ADAT3: variants seen among roughly 807,000 people sequenced by gnomAD.
The protein encoded by ADAT3 is adenosine deaminase tRNA specific 3.
A neutral mutation model predicts 3.5 loss-of-function variants in ADAT3; 2 were observed. The observed-to-expected ratio is 0.57, with a 90% CI of 0.23 to 1.79. ADAT3 has a LOEUF of 1.79. Among genes scored for constraint, ADAT3 ranks in the 40% most tolerant of loss-of-function variants. ADAT3 has a pLI of 0.18. For synonymous variants in ADAT3, 358 were observed against 270.3 expected (o/e 1.32, Z -3.18); for missense variants, 735 against 571.4 (o/e 1.29, Z -2.92).
intron 1 of ADAT3, among the ~76,000 whole-genome samples, chr19:1,911,211 A>C (rs1040278930): frequency 4.0e-5 from 6 of 150,240 alleles, no homozygotes; most frequent in African/African-American, 1.5e-4. Context: ...TTGCTCTGTC[A>C]GCCAGGCTGG....
chr19:1,913,082 C>T lies in ADAT3; in HGVS notation c.1035C>T (p.Leu345=). Residue 345 remains leucine, a synonymous_variant, in exon 2 of 2, where the codon CTC becomes CTT. Coordinates refer to ENST00000329478, the MANE Select transcript of ADAT3 (RefSeq NM_138422.4). ...TCCGCATCCACGCACGGCCCGACCT[C>T]AACCACCGCTTCCAGGTGTTCCGCG... ...TRFRIHARPD[L]NHRFQVFRGV... 6.2e-7 allele frequency: 1 copy of T among 1,601,312 alleles called. No individual in the cohort carries two copies. Among genetic ancestry groups the T allele is most frequent in the Non-Finnish European group, 8.5e-7 (1 of 1,178,294 alleles).
intron 1 of ADAT3, among the ~76,000 whole-genome samples, chr19:1,911,155 G>A (rs113813142): frequency 0.15 from 22,939 of 151,898 alleles, 1,952 homozygotes; most frequent in East Asian, 0.25. Flanking sequence ...GATTACAGGC[G>A]TGAGCCACCG....
At chr19:1,905,493 G>T (rs540046498) in intron 1 of ADAT3, 54 bp downstream of exon 1, 2 of 434,982 alleles carry the variant, frequency 4.6e-6, no homozygotes, top group South Asian at 3.3e-5. Context: ...TTCCCCAGAG[G>T]GGGAGTAGGG....
chr19:1,913,376 C>T lies in ADAT3; in HGVS notation c.*225C>T, dbSNP rs901647817. Reference sequence around the variant, plus strand: ...CGGTGCCCTTCTGCGGCCGCCCTTGCTGCGTTTGTGTCCCCTCTGTCTCGC... The same window carrying T: ...CGGTGCCCTTCTGCGGCCGCCCTTGTTGCGTTTGTGTCCCCTCTGTCTCGC... On this transcript the variant is annotated 3_prime_UTR_variant, in exon 2 of 2. Transcript: ENST00000329478. 1 of 660,358 alleles carries T rather than the reference C, an allele frequency of 1.5e-6. No individual in the cohort carries two copies. The highest frequency in any genetic ancestry group is 2.6e-6 in the Non-Finnish European group (1 of 388,188). 40.9% of individuals were successfully genotyped at this position (660,358 alleles called of 1,614,324 possible).
In ADAT3 at chr19:1,912,497, G is replaced by T. The variant is rs2013520162; in HGVS notation, c.450G>T (p.Leu150=). 3 of 1,497,172 alleles carry T rather than the reference G, an allele frequency of 2.0e-6. No homozygotes were observed. The highest frequency in any genetic ancestry group is 2.2e-5 in the Admixed American group (1 of 45,706). 92.7% of individuals were successfully genotyped at this position (1,497,172 alleles called of 1,614,324 possible). ...TGCCCGTGCCCGCCCGGCCGCCTCTGACCAGGGGCCAGTTCGAGGAGGCCC... is the reference window on the plus strand; with the variant it reads ...TGCCCGTGCCCGCCCGGCCGCCTCTTACCAGGGGCCAGTTCGAGGAGGCCC... ...FLVPVPARPP[L]TRGQFEEARA... Residue 150 remains leucine (L), a synonymous_variant, in exon 2 of 2, where the codon CTG becomes CTT. Transcript: ENST00000329478.
intron 1 of ADAT3, among the ~76,000 whole-genome samples, chr19:1,907,624 T>G (rs2013200954): frequency 6.6e-6 from 1 of 152,136 alleles, no homozygotes; most frequent in Non-Finnish European, 1.5e-5. Flanking sequence ...CCCAGCCTCC[T>G]GTTCACCAGG....
At chr19:1,906,866 T>TTTGTGTGTGTGTG (rs1555836654) in intron 1 of ADAT3, 6 of 130,084 alleles carry the variant, frequency 4.6e-5, no homozygotes, top group African/African-American at 1.2e-4. Flanking sequence ...AAAAAAAAAA[T>TTTGTGTGTGTGTG]TGTGTGTGTG....
chr19:1,908,505 C>G lies in ADAT3; in HGVS notation c.-159+3066C>G. 2.1e-6 allele frequency: 1 copy of G among 471,096 alleles called. No homozygotes were observed. Among genetic ancestry groups the G allele is most frequent in the Middle Eastern group, 3.3e-4 (1 of 3,070 alleles). 29.2% of individuals were successfully genotyped at this position (471,096 alleles called of 1,614,324 possible). ...CTGTCTGCGGGAGGAGCCGTCCATA[C>G]CAGCGGGGATGTGTAGTCCAGGCTG... On this transcript the variant is annotated intron_variant, in intron 1 of 1. Coordinates refer to ENST00000329478, the MANE Select transcript of ADAT3 (RefSeq NM_138422.4). The surrounding 1 kb of genome is among the most constrained non-coding windows in gnomAD (Gnocchi z 4.2).
chr19:1,912,664 G>C lies in ADAT3; in HGVS notation c.617G>C (p.Arg206Pro). 7.0e-7 allele frequency: 1 copy of C among 1,435,238 alleles called. No homozygotes were observed. Among genetic ancestry groups the C allele is most frequent in the Non-Finnish European group, 9.0e-7 (1 of 1,104,994 alleles). The allele number at this position is 1,435,238 out of a possible 1,614,324, so 88.9% of individuals were successfully genotyped here. A position where few individuals can be genotyped will look rare whatever the true frequency, so the allele number is the denominator to read the frequency against. The change falls in exon 2 of 2, where the codon CGG becomes CCG. Residue 206 changes from arginine to proline, a missense_variant. Coordinates refer to ENST00000329478, the MANE Select transcript of ADAT3 (RefSeq NM_138422.4). Reference protein sequence around the residue: ...AVWAARRAAARGLRAVGAVVV... With the variant: ...AVWAARRAAAPGLRAVGAVVV... ...TGGGCGGCCCGGCGGGCAGCAGCGC[G>C]GGGCTTGCGGGCCGTGGGGGCCGTG...
Position 1,912,466 on chromosome 19 carries a change from TCC to T in ADAT3, c.420_421del (p.Leu141GlyfsTer142). 1 of 1,503,914 alleles carries T rather than the reference TCC, an allele frequency of 6.6e-7. No individual in the cohort carries two copies. The highest frequency in any genetic ancestry group is 8.8e-7 in the Non-Finnish European group (1 of 1,133,594). The allele number at this position is 1,503,914 out of a possible 1,614,324, so 93.2% of individuals were successfully genotyped here. On this transcript the variant is annotated frameshift_variant, in exon 2 of 2. Coordinates refer to ENST00000329478, the MANE Select transcript of ADAT3 (RefSeq NM_138422.4). LOFTEE classifies it low-confidence loss of function (END_TRUNC). ...GACCCCCGCGGCCTGGGGCAACCCT[TCC>T]TGGTGCCCGTGCCCGCCCGGCCGCC...
Position 1,911,916 on chromosome 19 carries a change from G to T in ADAT3, c.-132G>T. ...GGTTAGCAGGACATGAGGGAGTGTA[G>T]CTCTGATGCGGTGACCTGGGCCGGA... is the stretch of plus-strand genomic sequence containing the variant. On this transcript the variant is annotated 5_prime_UTR_variant, in exon 2 of 2. Transcript: ENST00000329478. 6.7e-6 allele frequency: 8 copies of T among 1,195,698 alleles called. No homozygotes were observed. The highest frequency in any genetic ancestry group is 6.6e-6 in the Non-Finnish European group (6 of 903,984). 74.1% of individuals were successfully genotyped at this position (1,195,698 alleles called of 1,614,324 possible). A position where few individuals can be genotyped will look rare whatever the true frequency, so the allele number is the denominator to read the frequency against.
rs928132452 is a variant in ADAT3, at chr19:1,913,317, C to T, written c.*166C>T. ...CTGCCTTCCGTGCGGATCGAGCTTT[C>T]CTGGACTCGGTCATTGGGGCCACCC... On this transcript the variant is annotated 3_prime_UTR_variant, in exon 2 of 2. Transcript: ENST00000329478. The T allele has an allele frequency of 3.7e-5, 41 of 1,101,430 alleles. No homozygotes were observed. In the East Asian group the frequency reaches 8.5e-4, roughly 23 times the overall value. The allele number at this position is 1,101,430 out of a possible 1,614,324, so 68.2% of individuals were successfully genotyped here.
At position 1,908,038 on chromosome 19, in the gene ADAT3, A is replaced by T. The variant is rs570540188; in HGVS notation, c.-159+2599A>T. The T allele has an allele frequency of 6.1e-6, 1 of 163,662 alleles. No homozygotes were observed. The highest frequency in any genetic ancestry group is 6.2e-5 in the Admixed American group (1 of 16,214). 10.1% of individuals were successfully genotyped at this position (163,662 alleles called of 1,614,324 possible). A position where few individuals can be genotyped will look rare whatever the true frequency, so the allele number is the denominator to read the frequency against. On this transcript the variant is annotated intron_variant, in intron 1 of 1. Transcript: ENST00000329478. The surrounding 1 kb of genome is among the most constrained non-coding windows in gnomAD (Gnocchi z 4.2). ...GGGTCGTTTGTTTTTCATCAGACAG[A>T]GGTTGTACTCTTGGAGGGACAAGCG...
chr19:1,907,994 C>G (rs970671539), intron 1 of ADAT3: 2 of 156,606 alleles, frequency 1.3e-5, no homozygotes, highest in African/African-American at 2.4e-5. Flanking sequence ...TGCAGTGTCC[C>G]GGCAGCTGCC....
At position 1,908,781 on chromosome 19, in the gene ADAT3, A is replaced by G; in HGVS notation, c.-158-3109A>G. On this transcript the variant is annotated intron_variant, in intron 1 of 1. Transcript: ENST00000329478. The surrounding 1 kb of genome is among the most constrained non-coding windows in gnomAD (Gnocchi z 4.2). ...CCTGAGTAGCTGGGACTACATGTGCACACCACCGTGCCCAACTAATTTATA... is the reference window on the plus strand; with the variant it reads ...CCTGAGTAGCTGGGACTACATGTGCGCACCACCGTGCCCAACTAATTTATA... The G allele has an allele frequency of 2.8e-6, 1 of 351,836 alleles. No homozygotes were observed. The highest frequency in any genetic ancestry group is 5.6e-6 in the Non-Finnish European group (1 of 179,692). The allele number at this position is 351,836 out of a possible 1,614,324, so 21.8% of individuals were successfully genotyped here. A position where few individuals can be genotyped will look rare whatever the true frequency, so the allele number is the denominator to read the frequency against.
intron 1 of ADAT3, among the ~76,000 whole-genome samples, chr19:1,911,126 C>T (rs1236440032): frequency 2.0e-5 from 3 of 152,120 alleles, no homozygotes; most frequent in African/African-American, 7.2e-5. Flanking sequence ...CCGCCTGCCT[C>T]GGCCTCCCAA....
In ADAT3 at chr19:1,910,901, G is replaced by A. The variant is rs538550628; in HGVS notation, c.-158-989G>A. ...TTTTGTTGTTTTTTGACAGTCTCGCGCTGTTACCAGGCTGGAGTGCAGTGG... is the reference window on the plus strand; with the variant it reads ...TTTTGTTGTTTTTTGACAGTCTCGCACTGTTACCAGGCTGGAGTGCAGTGG... On this transcript the variant is annotated intron_variant, in intron 1 of 1. Transcript: ENST00000329478. Among the ~76,000 whole-genome samples, 24 of 134,768 alleles carry A rather than the reference G, an allele frequency of 1.8e-4. No individual in the cohort carries two copies. In the East Asian group the frequency reaches 3.2e-3, roughly 18 times the overall value. The allele number at this position is 134,768 out of a possible 152,430, so 88.4% of individuals were successfully genotyped here.
At chr19:1,911,118 G>A (rs1599237392) in intron 1 of ADAT3, among the ~76,000 whole-genome samples, 1 of 151,976 alleles carries the variant, frequency 6.6e-6, no homozygotes, top group African/African-American at 2.4e-5. Flanking sequence ...CTTGTGATCC[G>A]CCTGCCTCGG....
chr19:1,909,913 T>G (rs2145429348), intron 1 of ADAT3, among the ~76,000 whole-genome samples: 1 of 152,308 alleles, frequency 6.6e-6, no homozygotes, highest in Middle Eastern at 3.4e-3. Context: ...TCGTGGCTTG[T>G]CTTCTGAGGT....
Sources: allele counts gnomAD v4.1 joint callset (sites outside exome capture counted in the v4.1 genomes callset), GRCh38; gene constraint gnomAD v4.1.1; non-coding constraint Gnocchi (gnomAD v3.1); transcripts MANE v1.5; gene names NCBI Gene and HGNC (gene_info 2026-07-23, HGNC 2026-07-21).